The following KIF17 variants were observed in gnomAD, a reference collection of about 807,000 sequenced individuals.
KIF17 encodes kinesin-like protein KIF17.
KIF17 carries 80 observed loss-of-function variants against 96.8 expected under a neutral mutation model. The ratio of observed to expected loss-of-function variants is 0.83; its 90% CI spans 0.69 to 1.00. The LOEUF is 1.00. Among genes scored for constraint, KIF17 ranks in the 50% least tolerant of loss-of-function variants. The probability of loss-of-function intolerance (pLI) is 0.00; values close to 1 mark genes in which losing one functional copy is unlikely to be tolerated. For synonymous variants in KIF17, 567 were observed against 587.5 expected (o/e 0.97, Z 0.51); for missense variants, 1,280 against 1,372.9 (o/e 0.93, Z 1.07).
chr1:20,664,845 C>A (rs1281680807), intron 14 of KIF17, 83 bp from the exon 15 acceptor site: 1 of 1,272,724 alleles, frequency 7.9e-7, no homozygotes, highest in East Asian at 2.5e-5. Flanking sequence ...GGATGGAGAG[C>A]CTGGCCCACC....
intron 10 of KIF17, 150 bp from the exon 11 acceptor site, chr1:20,683,034 C>T (rs748017247): frequency 3.1e-4 from 208 of 666,134 alleles, no homozygotes; most frequent in Middle Eastern, 1.0e-3. Flanking sequence ...GGCGACAGGA[C>T]GCTGCTTGCT....
chr1:20,694,449 C>A (rs186060737), intron 6 of KIF17, among the ~76,000 whole-genome samples: 5 of 152,286 alleles, frequency 3.3e-5, no homozygotes, highest in Admixed American at 6.5e-5. Flanking sequence ...ACACACATGG[C>A]TCAAGAGAAG....
At chr1:20,684,375 C>T (rs550948583) in intron 10 of KIF17, among the ~76,000 whole-genome samples, 1 of 152,324 alleles carries the variant, frequency 6.6e-6, no homozygotes, top group East Asian at 1.9e-4. Context: ...GAAGTGAGAA[C>T]CGAGGCTCAG....
chr1:20,709,791 C>T lies in KIF17; in HGVS notation c.518G>A (p.Gly173Glu), dbSNP rs1232225620. 6.2e-7 allele frequency: 1 copy of T among 1,613,768 alleles called. No individual in the cohort carries two copies. Residue 173 changes from glycine (G) to glutamate (E), a missense_variant, in exon 4 of 15, where the codon GGG becomes GAG. By Grantham distance (98) the Gly-to-Glu change is moderately conservative. Transcript: ENST00000400463. The surrounding 1 kb of genome is among the most constrained non-coding windows in gnomAD (Gnocchi z 4.7). ...EHPEKGVYVK[G>E]LSMHTVHSVA... The stretch of plus-strand genomic sequence containing the variant: ...GCTGTGCACCGTGTGCATGGACAGC[C>T]CCTTCACGTACACGCCCTTCTCTGG...
rs1266559764 is a variant in KIF17, at chr1:20,717,485, C to A, written c.222G>T (p.Pro74=). 6.2e-7 allele frequency: 1 copy of A among 1,611,182 alleles called. No individual in the cohort carries two copies. The highest frequency in any genetic ancestry group is 8.5e-7 in the Non-Finnish European group (1 of 1,179,604). The change falls in exon 1 of 15, where the codon CCG becomes CCT. Residue 74 remains proline, a synonymous_variant. Transcript: ENST00000400463. ...TEQIYNEIAY[P]LVEGVTEGYN... Reference sequence around the variant, plus strand: ...TGCCGGGCGCCCTCACCTCCACCAGCGGATAGGCGATCTCGTTGTAGATCT... The same window carrying A: ...TGCCGGGCGCCCTCACCTCCACCAGAGGATAGGCGATCTCGTTGTAGATCT...
Position 20,691,071 on chromosome 1 carries a change from C to T in KIF17, c.1234-736G>A, listed in dbSNP as rs1027227042. Among the ~76,000 whole-genome samples the T allele has an allele frequency of 4.0e-5, 6 of 151,758 alleles. No individual in the cohort carries two copies. In the South Asian group the frequency reaches 1.3e-3, roughly 32 times the overall value. On this transcript the variant is annotated intron_variant, in intron 6 of 14. Transcript: ENST00000400463. ...ACCCCAGCACTTTGGGAAGCTGAGG[C>T]AGATCGCTTGAGGCCAGGAGTTCAA...
At chr1:20,707,052 C>T (rs1043275000) in intron 4 of KIF17, among the ~76,000 whole-genome samples, 8 of 152,074 alleles carry the variant, frequency 5.3e-5, no homozygotes, top group Non-Finnish European at 8.8e-5. Context: ...GCTATGATTG[C>T]ACCACTGCAC....
intron 13 of KIF17, among the ~76,000 whole-genome samples, chr1:20,667,618 C>A (rs1171611078): frequency 6.6e-6 from 1 of 152,172 alleles, no homozygotes; most frequent in African/African-American, 2.4e-5. Flanking sequence ...ACAGACCAGG[C>A]CTCTCTTCCT....
At chr1:20,665,268 C>T (rs1262325592) in intron 14 of KIF17, among the ~76,000 whole-genome samples, 2 of 134,804 alleles carry the variant, frequency 1.5e-5, no homozygotes, top group East Asian at 4.5e-4. Flanking sequence ...TACTCTGTCA[C>T]CCAGGCTGGA....
At chr1:20,707,193 G>A (rs919184428) in intron 4 of KIF17, among the ~76,000 whole-genome samples, 9 of 152,180 alleles carry the variant, frequency 5.9e-5, no homozygotes, top group Non-Finnish European at 1.0e-4. Context: ...TTTGCTCCAG[G>A]ACTCCATTGC....
chr1:20,695,057 TACACATGCACCCACAGAC>T (rs1201175800), intron 6 of KIF17, among the ~76,000 whole-genome samples: 11 of 151,914 alleles, frequency 7.2e-5, no homozygotes, highest in Non-Finnish European at 1.6e-4. Flanking sequence ...CACACATGCA[TACACATGCACCCACAGAC>T]ACACATGCAC....
At chr1:20,664,832 G>C in intron 14 of KIF17, 70 bp from the exon 15 acceptor site, 2 of 1,422,500 alleles carry the variant, frequency 1.4e-6, no homozygotes, top group Non-Finnish European at 2.0e-6. Flanking sequence ...CCCCAAGTGG[G>C]TAGGATGGAG....
At chr1:20,716,472 C>A (rs1480476601) in intron 1 of KIF17, among the ~76,000 whole-genome samples, 1 of 152,178 alleles carries the variant, frequency 6.6e-6, no homozygotes, top group Non-Finnish European at 1.5e-5. Context: ...AGCCAGCCGG[C>A]AGGGACAGGG....
chr1:20,682,986 C>A, intron 10 of KIF17, 102 bp from the exon 11 acceptor site: 2 of 951,462 alleles, frequency 2.1e-6, no homozygotes, highest in Non-Finnish European at 3.2e-6. Flanking sequence ...CCAGATCCTT[C>A]CAACAACCCC....
intron 6 of KIF17, among the ~76,000 whole-genome samples, chr1:20,697,617 GTAAATAAA>G (rs1226845263): frequency 1.3e-5 from 2 of 152,102 alleles, no homozygotes; most frequent in African/African-American, 4.8e-5. Context: ...AAATAAGTAA[GTAAATAAA>G]TAAATGAATA....
chr1:20,690,352 G>GCTGCC lies in KIF17; in HGVS notation c.1234-18_1234-17insGGCAG. ...TTCATACTCCTGGGGGGGTGGGAGG[G>GCTGCC]ACCAGAGGGCAGGCAGCATTTTATC... On this transcript the variant is annotated splice_polypyrimidine_tract_variant and intron_variant, in intron 6 of 14. Transcript: ENST00000400463. 1 of 451,164 alleles carries GCTGCC rather than the reference G, an allele frequency of 2.2e-6. No individual in the cohort carries two copies. Among genetic ancestry groups the GCTGCC allele is most frequent in the Non-Finnish European group, 4.3e-6 (1 of 235,142 alleles). 27.9% of individuals were successfully genotyped at this position (451,164 alleles called of 1,614,324 possible).
At position 20,699,282 on chromosome 1, in the gene KIF17, C is replaced by T. The variant is rs1220565553; in HGVS notation, c.1124-794G>A. On this transcript the variant is annotated intron_variant, in intron 5 of 14. Coordinates refer to ENST00000400463, the MANE Select transcript of KIF17 (RefSeq NM_001122819.3). The surrounding 1 kb of genome is among the most constrained non-coding windows in gnomAD (Gnocchi z 4.3). Reference sequence around the variant, plus strand: ...CATTTAAATAGTGTGTTAGGCTGGGCACAGTGTCTCATGTCTGTAACCCCA... The same window carrying T: ...CATTTAAATAGTGTGTTAGGCTGGGTACAGTGTCTCATGTCTGTAACCCCA... 6.6e-6 allele frequency among the ~76,000 whole-genome samples: 1 copy of T among 152,158 alleles called. No homozygotes were observed. Among genetic ancestry groups the T allele is most frequent in the African/African-American group, 2.4e-5 (1 of 41,436 alleles).
In KIF17 at chr1:20,672,401, G is replaced by A. The variant is rs540883471; in HGVS notation, c.2464-205C>T. Among the ~76,000 whole-genome samples, 34 of 152,020 alleles carry A rather than the reference G, an allele frequency of 2.2e-4. No individual in the cohort carries two copies. Among genetic ancestry groups the A allele is most frequent in the African/African-American group, 7.2e-4 (30 of 41,444 alleles). On this transcript the variant is annotated intron_variant, in intron 11 of 14. Transcript: ENST00000400463. The surrounding 1 kb of genome is among the most constrained non-coding windows in gnomAD (Gnocchi z 4.3). ...TCCTCTCACACCCACTGATCCTTCC[G>A]TCTATCCAATCACCCTGCTGTCTCT... is the stretch of plus-strand genomic sequence containing the variant.
rs1274040668 is a variant in KIF17, at chr1:20,690,105, T to C, written c.1381+83A>G. On this transcript the variant is annotated intron_variant, in intron 7 of 14. Transcript: ENST00000400463. ...AGACCTGATCCTCGGGTGTAGAAAA[T>C]GCTCTGTGATGCAGTTACTGCAGTG... 30 of 1,471,126 alleles carry C rather than the reference T, an allele frequency of 2.0e-5. No individual in the cohort carries two copies. In the Admixed American group the frequency reaches 5.1e-4, roughly 25 times the overall value. 91.1% of individuals were successfully genotyped at this position (1,471,126 alleles called of 1,614,324 possible).
Sources: allele counts gnomAD v4.1 joint callset (sites outside exome capture counted in the v4.1 genomes callset), GRCh38; gene constraint gnomAD v4.1.1; non-coding constraint Gnocchi (gnomAD v3.1); transcripts MANE v1.5; gene names NCBI Gene and HGNC (gene_info 2026-07-23, HGNC 2026-07-21).